The following GRIN2B variants were observed in gnomAD, a reference collection of about 807,000 sequenced individuals.
GRIN2B encodes the protein glutamate receptor ionotropic, NMDA 2B.
GRIN2B carries 5 observed loss-of-function variants against 114.5 expected under a neutral mutation model. That is an observed-to-expected ratio of 0.04 (90% CI 0.02 to 0.09). The LOEUF (loss-of-function observed/expected upper bound fraction) is 0.09, where lower values mean the gene tolerates loss of function less well. Among genes scored for constraint, GRIN2B ranks in the 10% least tolerant of loss-of-function variants. The pLI is 1.00. For missense variants in GRIN2B, 1,108 were observed against 1,943.5 expected (o/e 0.57, Z 8.08); for synonymous variants, 787 against 745.1 (o/e 1.06, Z -0.92).
chr12:13,643,157 TA>T (rs979735443), intron 5 of GRIN2B, among the ~76,000 whole-genome samples: 2 of 152,172 alleles, frequency 1.3e-5, no homozygotes, highest in African/African-American at 4.8e-5. Flanking sequence ...GGCTATTTTC[TA>T]AAGGATACTT....
chr12:13,966,684 A>T (rs1867794603), intron 2 of GRIN2B, among the ~76,000 whole-genome samples: 1 of 152,140 alleles, frequency 6.6e-6, no homozygotes, highest in Admixed American at 6.5e-5. Context: ...GCACCACCCA[A>T]ACTAGCTCTG....
chr12:13,868,376 A>G (rs975498595), intron 2 of GRIN2B, among the ~76,000 whole-genome samples: 4 of 152,152 alleles, frequency 2.6e-5, no homozygotes, highest in African/African-American at 4.8e-5. Flanking sequence ...GGAAAGAAAC[A>G]CTAGATAGGC....
At chr12:13,878,772 G>C (rs1423429711) in intron 2 of GRIN2B, among the ~76,000 whole-genome samples, 1 of 152,180 alleles carries the variant, frequency 6.6e-6, no homozygotes, top group South Asian at 2.1e-4. Context: ...CCTCAGCAAA[G>C]AACAGATAAA....
At chr12:13,571,777 G>T (rs751453119) in intron 11 of GRIN2B, 27 bp downstream of exon 11, 2 of 1,611,506 alleles carry the variant, frequency 1.2e-6, no homozygotes, top group African/African-American at 1.3e-5. Context: ...ACAGATCAAG[G>T]ACTCTGAGCT....
In GRIN2B at chr12:13,919,483, G is replaced by A. The variant is rs574990364; in HGVS notation, c.-18-53257C>T. On this transcript the variant is annotated intron_variant, in intron 2 of 13. Coordinates refer to ENST00000609686, the MANE Select transcript of GRIN2B (RefSeq NM_000834.5). ...TATGTACTTTTGGAATGACCTCAAC[G>A]TTCTAGAAATAGTGGCCTGTATGAC... Among the ~76,000 whole-genome samples, 8 of 152,238 alleles carry A rather than the reference G, an allele frequency of 5.3e-5. No individual in the cohort carries two copies. In the South Asian group the frequency reaches 1.0e-3, roughly 20 times the overall value.
chr12:13,596,893 G>C (rs1949080775), intron 10 of GRIN2B, among the ~76,000 whole-genome samples: 1 of 152,222 alleles, frequency 6.6e-6, no homozygotes. Flanking sequence ...GGCCAGAGAA[G>C]GTCCCCAGGA....
At chr12:13,905,630 G>C (rs1423515468) in intron 2 of GRIN2B, among the ~76,000 whole-genome samples, 1 of 152,106 alleles carries the variant, frequency 6.6e-6, no homozygotes, top group Non-Finnish European at 1.5e-5. Flanking sequence ...GTTCCCGGCA[G>C]TCTAGGACGT....
In GRIN2B at chr12:13,729,614, T is replaced by C. The variant is rs1034587723; in HGVS notation, c.1010+23703A>G. Among the ~76,000 whole-genome samples the C allele has an allele frequency of 2.0e-5, 3 of 151,934 alleles. No individual in the cohort carries two copies. In the South Asian group the frequency reaches 6.2e-4, roughly 32 times the overall value. Reference sequence around the variant, plus strand: ...CACTGGAGAAGTGCAACAGAATATGTAGGAAAGACTGTCTCCCAGATATCT... The same window carrying C: ...CACTGGAGAAGTGCAACAGAATATGCAGGAAAGACTGTCTCCCAGATATCT... On this transcript the variant is annotated intron_variant, in intron 4 of 13. Coordinates refer to ENST00000609686, the MANE Select transcript of GRIN2B (RefSeq NM_000834.5).
intron 4 of GRIN2B, among the ~76,000 whole-genome samples, chr12:13,705,131 C>T (rs1342068922): frequency 6.6e-6 from 1 of 152,102 alleles, no homozygotes; most frequent in Non-Finnish European, 1.5e-5. Context: ...TCCACCATCC[C>T]TAGCAGGTGC....
chr12:13,806,656 G>A lies in GRIN2B; in HGVS notation c.412-52741C>T, dbSNP rs560499448. 9.9e-5 allele frequency among the ~76,000 whole-genome samples: 15 copies of A among 151,964 alleles called. 1 individual carries two copies. The highest frequency in any genetic ancestry group is 4.2e-4 in the South Asian group (2 of 4,812). On this transcript the variant is annotated intron_variant, in intron 3 of 13. Coordinates refer to ENST00000609686, the MANE Select transcript of GRIN2B (RefSeq NM_000834.5). ...TGTATGATTTGCAAACATTTTCTCC[G>A]ATTCTGTAGGTTTGTCTCTTCACTC...
chr12:13,604,826 A>G (rs1320528453), intron 10 of GRIN2B, among the ~76,000 whole-genome samples: 2 of 152,234 alleles, frequency 1.3e-5, no homozygotes, highest in Non-Finnish European at 2.9e-5. Context: ...ATATGCAGTC[A>G]TTAGTTACTT....
rs1948619033 is a variant in GRIN2B, at chr12:13,564,949, T to G, written c.2599-310A>C. 1.3e-5 allele frequency among the ~76,000 whole-genome samples: 2 copies of G among 152,210 alleles called. No individual in the cohort carries two copies. The highest frequency in any genetic ancestry group is 4.8e-5 in the African/African-American group (2 of 41,436). ...TTTTTGCCTCAGCTTCACTGTTGAC[T>G]TACCGTGGTTTTCTATGCCTAGATT... On this transcript the variant is annotated intron_variant, in intron 13 of 13. Coordinates refer to ENST00000609686, the MANE Select transcript of GRIN2B (RefSeq NM_000834.5). This position sits in a 1 kb window ranked among gnomAD's most constrained non-coding sequence, Gnocchi z 4.8.
At chr12:13,870,059 G>T (rs982706257) in intron 2 of GRIN2B, among the ~76,000 whole-genome samples, 1 of 152,174 alleles carries the variant, frequency 6.6e-6, no homozygotes, top group Non-Finnish European at 1.5e-5. Flanking sequence ...TGAGTGTGTG[G>T]GAGGTGAGGG....
chr12:13,782,705 T>C (rs548851109), intron 3 of GRIN2B, among the ~76,000 whole-genome samples: 51 of 152,352 alleles, frequency 3.3e-4, no homozygotes, highest in Non-Finnish European at 6.0e-4. Context: ...TCTTAAGCTG[T>C]CTTTCACTCA....
rs759983003 is a variant in GRIN2B at position 13,564,164 on chromosome 12, A to T, written c.3074T>A (p.Ile1025Asn). ...GCTGTGCTTGGAGGAGGGGAGGCCG[A>T]TGTCCAGGGGCTTCTTGCTGATGGA... Reference protein sequence around the residue: ...SRSISKKPLDIGLPSSKHSQL... With the variant: ...SRSISKKPLDNGLPSSKHSQL... The change falls in exon 14 of 14, where the codon ATC becomes AAC. Residue 1025 changes from isoleucine to asparagine, a missense_variant. Transcript: ENST00000609686. This position sits in a 1 kb window ranked among gnomAD's most constrained non-coding sequence, Gnocchi z 4.8. 6.2e-7 allele frequency: 1 copy of T among 1,614,086 alleles called. No homozygotes were observed. The highest frequency in any genetic ancestry group is 8.5e-7 in the Non-Finnish European group (1 of 1,180,000).
At chr12:13,639,515 C>A (rs1388492870) in intron 5 of GRIN2B, among the ~76,000 whole-genome samples, 1 of 152,138 alleles carries the variant, frequency 6.6e-6, no homozygotes, top group Non-Finnish European at 1.5e-5. Context: ...ACACGTGTTC[C>A]ACTTACTGGC....
chr12:13,783,222 A>G (rs1021746931), intron 3 of GRIN2B, among the ~76,000 whole-genome samples: 3 of 152,102 alleles, frequency 2.0e-5, no homozygotes, highest in African/African-American at 7.2e-5. Flanking sequence ...TCGCACCCCA[A>G]TCACCAAGGG....
intron 2 of GRIN2B, among the ~76,000 whole-genome samples, chr12:13,941,473 G>T (rs899041606): frequency 6.6e-6 from 1 of 152,204 alleles, no homozygotes; most frequent in South Asian, 2.1e-4. Context: ...TCAAAGCCAG[G>T]TGAGGAACGG....
rs532455604 is a variant in GRIN2B, at chr12:13,817,675, A to T, written c.411+48123T>A. Among the ~76,000 whole-genome samples, 133 of 152,324 alleles carry T rather than the reference A, an allele frequency of 8.7e-4. 4 individuals are homozygous for T. In the South Asian group the frequency reaches 0.027, roughly 31 times the overall value. On this transcript the variant is annotated intron_variant, in intron 3 of 13. Coordinates refer to ENST00000609686, the MANE Select transcript of GRIN2B (RefSeq NM_000834.5). ...ATTGGAGAATGGTTATTATTTTTTT[A>T]AATGTCCCCAGAATAACCCAATGAT...
Sources: allele counts gnomAD v4.1 joint callset (sites outside exome capture counted in the v4.1 genomes callset), GRCh38; gene constraint gnomAD v4.1.1; non-coding constraint Gnocchi (gnomAD v3.1); transcripts MANE v1.5; gene names NCBI Gene and HGNC (gene_info 2026-07-23, HGNC 2026-07-21).